Variants in SMAD6 observed in about 807,000 individuals in gnomAD.
SMAD6 encodes SMAD family member 6, also known as MAD homolog 6.
Under a neutral mutation model 39.4 loss-of-function variants are expected in SMAD6, and 103 were observed. The ratio of observed to expected loss-of-function variants is 2.62; its 90% CI spans 2.23 to 3.08. The LOEUF (loss-of-function observed/expected upper bound fraction) is 3.08, where lower values mean the gene tolerates loss of function less well. Ranked by LOEUF, SMAD6 falls within the 30% of genes most tolerant of loss-of-function variation. The probability of loss-of-function intolerance (pLI) is 0.00; values close to 1 mark genes in which losing one functional copy is unlikely to be tolerated. For synonymous variants in SMAD6, 445 were observed against 353.3 expected, an observed-to-expected ratio of 1.26 and a Z score of -2.91; for missense variants, 1,104 against 742.9, an observed-to-expected ratio of 1.49 and a Z score of -5.65.
chr15:66,781,208 C>T lies in SMAD6; in HGVS notation c.1164C>T (p.Gly388=). Residue 388 remains glycine (G), a synonymous_variant, in exon 4 of 4, where the codon GGC becomes GGT. Coordinates refer to ENST00000288840, the MANE Select transcript of SMAD6 (RefSeq NM_005585.5). The part of the protein sequence containing the change: ...ESVRRTRSKI[G]FGILLSKEPD... ...TGCGGCGAACGCGCAGCAAGATCGG[C>T]TTCGGCATCCTGCTCAGCAAGGAGC... 1 of 1,608,466 alleles carries T rather than the reference C, an allele frequency of 6.2e-7. No individual in the cohort carries two copies. Among genetic ancestry groups the T allele is most frequent in the Non-Finnish European group, 8.5e-7 (1 of 1,179,712 alleles).
chr15:66,750,662 T>C (rs891237585), intron 3 of SMAD6, among the ~76,000 whole-genome samples: 1 of 151,496 alleles, frequency 6.6e-6, no homozygotes, highest in Non-Finnish European at 1.5e-5. Flanking sequence ...GTTAGGAGAG[T>C]GCTGGGAAGG....
chr15:66,765,356 T>G (rs1205935197), intron 3 of SMAD6, among the ~76,000 whole-genome samples: 1 of 152,160 alleles, frequency 6.6e-6, no homozygotes, highest in African/African-American at 2.4e-5. Flanking sequence ...CCCGAGCAGC[T>G]GGGACTACAG....
In SMAD6 at chr15:66,703,232, C is replaced by T; in HGVS notation, c.-27C>T. The stretch of plus-strand genomic sequence containing the variant: ...CCCGGTAACCGGAGACCGCCTCCCC[C>T]CCACCCCTGGCGCCAAAGGATATCG... On this transcript the variant is annotated 5_prime_UTR_variant, in exon 1 of 4. Transcript: ENST00000288840. 1 of 1,364,726 alleles carries T rather than the reference C, an allele frequency of 7.3e-7. No individual in the cohort carries two copies. Among genetic ancestry groups the T allele is most frequent in the Non-Finnish European group, 9.5e-7 (1 of 1,051,192 alleles). 84.5% of individuals were successfully genotyped at this position (1,364,726 alleles called of 1,614,324 possible). A position where few individuals can be genotyped will look rare whatever the true frequency, so the allele number is the denominator to read the frequency against.
intron 3 of SMAD6, among the ~76,000 whole-genome samples, chr15:66,734,527 C>CG (rs1274711685): frequency 2.6e-5 from 4 of 152,178 alleles, no homozygotes; most frequent in African/African-American, 7.2e-5. Flanking sequence ...AGGAGCTGCT[C>CG]TAAGTACTTG....
intron 3 of SMAD6, among the ~76,000 whole-genome samples, chr15:66,745,837 T>A (rs1275879774): frequency 6.6e-6 from 1 of 152,206 alleles, no homozygotes; most frequent in Non-Finnish European, 1.5e-5. Flanking sequence ...TCCACCTCTG[T>A]TTCTCTTTCT....
chr15:66,753,525 G>C (rs1173278344), intron 3 of SMAD6, among the ~76,000 whole-genome samples: 1 of 152,174 alleles, frequency 6.6e-6, no homozygotes, highest in Non-Finnish European at 1.5e-5. Flanking sequence ...CCATTCCATA[G>C]ATGGAGAAAC....
intron 3 of SMAD6, among the ~76,000 whole-genome samples, chr15:66,730,678 A>C (rs1434024302): frequency 6.6e-6 from 1 of 152,232 alleles, no homozygotes; most frequent in Admixed American, 6.5e-5. Flanking sequence ...AACAGTGGCT[A>C]AAAGATGAGT....
intron 3 of SMAD6, among the ~76,000 whole-genome samples, chr15:66,721,374 T>G (rs546740368): frequency 6.6e-6 from 1 of 151,132 alleles, no homozygotes; most frequent in South Asian, 2.1e-4. Flanking sequence ...TTTTCTTGAT[T>G]ACAGGGACCA....
intron 3 of SMAD6, among the ~76,000 whole-genome samples, chr15:66,751,846 A>G (rs1894011651): frequency 6.6e-6 from 1 of 152,050 alleles, no homozygotes; most frequent in African/African-American, 2.4e-5. Context: ...TTTTGTTGAG[A>G]AGAGGAAACA....
rs189457752 is a variant in SMAD6, at chr15:66,739,133, C to T, written c.952+22635C>T. On this transcript the variant is annotated intron_variant, in intron 3 of 3. Coordinates refer to ENST00000288840, the MANE Select transcript of SMAD6 (RefSeq NM_005585.5). ...TGAGACGGAGTCTTGCCCTGTCACC[C>T]AGGCTGGAGTGCAATAGTGCAGTCT... 1.6e-3 allele frequency among the ~76,000 whole-genome samples: 233 copies of T among 149,228 alleles called. 1 individual carries two copies. Among genetic ancestry groups the T allele is most frequent in the African/African-American group, 5.0e-3 (204 of 40,486 alleles).
At chr15:66,777,322 G>T (rs769726563) in intron 3 of SMAD6, among the ~76,000 whole-genome samples, 1 of 152,120 alleles carries the variant, frequency 6.6e-6, no homozygotes, top group Non-Finnish European at 1.5e-5. Flanking sequence ...AGGATTCCCC[G>T]TGGGGTGTGG....
At chr15:66,756,624 C>T (rs138798535) in intron 3 of SMAD6, among the ~76,000 whole-genome samples, 15 of 152,350 alleles carry the variant, frequency 9.8e-5, no homozygotes, top group African/African-American at 3.4e-4. Context: ...CTCCATCCCA[C>T]ATACCCACAA....
At position 66,711,717 on chromosome 15, in the gene SMAD6, GC is replaced by G. The variant is rs1567095000; in HGVS notation, c.869del (p.Pro290HisfsTer249). The G allele has an allele frequency of 6.2e-7, 1 of 1,613,198 alleles. No homozygotes were observed. The highest frequency in any genetic ancestry group is 8.5e-7 in the Non-Finnish European group (1 of 1,179,656). On this transcript the variant is annotated frameshift_variant, in exon 2 of 4. Transcript: ENST00000288840. LOFTEE classifies it high-confidence loss of function. ...GGCTGTCTCCTCGCGACGAGTACAA[GC>G]CACTGGGTAAGTGTGCCCTCCTTCC... ...SRLSPRDEYK[P>X]LDLSDSTLSY...
chr15:66,781,323 G>A lies in SMAD6; in HGVS notation c.1279G>A (p.Val427Met). 6 of 1,598,936 alleles carry A rather than the reference G, an allele frequency of 3.8e-6. No homozygotes were observed. The highest frequency in any genetic ancestry group is 4.3e-6 in the Non-Finnish European group (5 of 1,174,040). Reference sequence around the variant, plus strand: ...CGCGCCCGGCGGCCGCGCCCTGGTCGTGCGCAAGGTGCCCCCCGGCTACTC... The same window carrying A: ...CGCGCCCGGCGGCCGCGCCCTGGTCATGCGCAAGGTGCCCCCCGGCTACTC... ...LDAPGGRALV[V>M]RKVPPGYSIK... Residue 427 changes from valine to methionine, a missense_variant, in exon 4 of 4, where the codon GTG becomes ATG. Coordinates refer to ENST00000288840, the MANE Select transcript of SMAD6 (RefSeq NM_005585.5).
At chr15:66,773,788 G>T (rs1226583285) in intron 3 of SMAD6, among the ~76,000 whole-genome samples, 1 of 152,198 alleles carries the variant, frequency 6.6e-6, no homozygotes, top group East Asian at 1.9e-4. Context: ...CCACCAACTT[G>T]CTGGGTGACC....
chr15:66,731,049 T>C (rs1042400299), intron 3 of SMAD6, among the ~76,000 whole-genome samples: 1 of 152,246 alleles, frequency 6.6e-6, no homozygotes, highest in Admixed American at 6.5e-5. Context: ...CAACATACAG[T>C]AAAATTTTGT....
At chr15:66,756,894 C>G (rs1894109867) in intron 3 of SMAD6, among the ~76,000 whole-genome samples, 1 of 152,230 alleles carries the variant, frequency 6.6e-6, no homozygotes, top group Non-Finnish European at 1.5e-5. Context: ...TGGGAAGATT[C>G]CTTCCTCCTC....
chr15:66,710,463 G>A (rs1474450194), intron 1 of SMAD6, among the ~76,000 whole-genome samples: 4 of 152,210 alleles, frequency 2.6e-5, no homozygotes, highest in Non-Finnish European at 5.9e-5. Flanking sequence ...AAAAGCCGGG[G>A]TGGGGAAGAG....
At chr15:66,770,479 G>A (rs1894361463) in intron 3 of SMAD6, among the ~76,000 whole-genome samples, 1 of 152,140 alleles carries the variant, frequency 6.6e-6, no homozygotes, top group African/African-American at 2.4e-5. Context: ...CCTGGGGACC[G>A]AGGTACCCAG....
Sources: gnomAD v4.1 joint callset for allele counts (sites outside exome capture counted in the v4.1 genomes callset) on GRCh38, gnomAD v4.1.1 for gene constraint, MANE v1.5 for transcripts, NCBI Gene and HGNC (gene_info 2026-07-23, HGNC 2026-07-21) for gene names.